Variants in DOCK3 observed in about 807,000 individuals in gnomAD.
DOCK3 encodes dedicator of cytokinesis 3.
DOCK3 carries 60 observed loss-of-function variants against 265.6 expected under a neutral mutation model. That is an observed-to-expected ratio of 0.23 (90% CI 0.18 to 0.28). The LOEUF (loss-of-function observed/expected upper bound fraction) is 0.28, where lower values mean the gene tolerates loss of function less well. Among genes scored for constraint, DOCK3 ranks in the 10% least tolerant of loss-of-function variants. The pLI, the probability that DOCK3 is intolerant of heterozygous loss-of-function variation, is 1.00. For synonymous variants in DOCK3, 881 were observed against 938.0 expected, an observed-to-expected ratio of 0.94 and a Z score of 1.11; for missense variants, 1,981 against 2,594.3, an observed-to-expected ratio of 0.76 and a Z score of 5.14.
intron 17 of DOCK3, 75 bp from the exon 18 acceptor site, chr3:51,228,586 C>A: frequency 1.3e-6 from 2 of 1,505,114 alleles, no homozygotes; most frequent in Non-Finnish European, 1.8e-6. Context: ...AAGTATCAGC[C>A]CAGAAATTCC....
chr3:51,340,450 A>G (rs1160276873), intron 37 of DOCK3, among the ~76,000 whole-genome samples: 2 of 152,182 alleles, frequency 1.3e-5, no homozygotes, highest in Admixed American at 1.3e-4. Flanking sequence ...AGGAGCCTAA[A>G]GAGTGGACAC....
At chr3:50,840,477 T>C (rs1255438290) in intron 2 of DOCK3, among the ~76,000 whole-genome samples, 1 of 152,220 alleles carries the variant, frequency 6.6e-6, no homozygotes, top group Non-Finnish European at 1.5e-5. Context: ...AACTTTTTTT[T>C]CCATTTTATT....
At chr3:50,896,534 T>G (rs2048899230) in intron 4 of DOCK3, among the ~76,000 whole-genome samples, 1 of 152,224 alleles carries the variant, frequency 6.6e-6, no homozygotes, top group African/African-American at 2.4e-5. Flanking sequence ...CCATTGCTTT[T>G]GGTGTTTTAG....
In DOCK3 at chr3:51,189,793, G is replaced by T. The variant is rs563394588; in HGVS notation, c.1038-18981G>T. Reference sequence around the variant, plus strand: ...TAAATACCCAGTTGTGGAATTTTTTGATGAAATGGTAGATCTACTTTTAGT... The same window carrying T: ...TAAATACCCAGTTGTGGAATTTTTTTATGAAATGGTAGATCTACTTTTAGT... On this transcript the variant is annotated intron_variant, in intron 12 of 52. Transcript: ENST00000266037. Among the ~76,000 whole-genome samples the T allele has an allele frequency of 3.9e-5, 6 of 152,196 alleles. No homozygotes were observed. The South Asian group carries it at 1.2e-3, about 32-fold the overall frequency.
At chr3:51,302,160 T>G (rs962567453) in intron 27 of DOCK3, among the ~76,000 whole-genome samples, 2 of 152,190 alleles carry the variant, frequency 1.3e-5, no homozygotes, top group Non-Finnish European at 2.9e-5. Context: ...CTTGTTGCAT[T>G]GATCCCTTTA....
intron 27 of DOCK3, among the ~76,000 whole-genome samples, chr3:51,293,350 A>G (rs1015958489): frequency 4.6e-5 from 7 of 152,218 alleles, no homozygotes; most frequent in African/African-American, 1.7e-4. Flanking sequence ...GATTTTTGAC[A>G]AAGATGCCAA....
chr3:50,937,505 A>T (rs1030805916), intron 5 of DOCK3, among the ~76,000 whole-genome samples: 1 of 151,952 alleles, frequency 6.6e-6, no homozygotes, highest in Non-Finnish European at 1.5e-5. Context: ...ATACAAAAAA[A>T]TTAGCCGGGC....
Position 51,381,772 on chromosome 3 carries a change from ATT to A in DOCK3, c.*219_*220del, listed in dbSNP as rs1230508824. 1.2e-5 allele frequency: 6 copies of A among 501,638 alleles called. No homozygotes were observed. The highest frequency in any genetic ancestry group is 2.0e-5 in the African/African-American group (1 of 50,774). The allele number at this position is 501,638 out of a possible 1,614,324, so 31.1% of individuals were successfully genotyped here. The stretch of plus-strand genomic sequence containing the variant: ...ATGAAGGGTTGTGGCTTCCCTTTTT[ATT>A]TTTTTACATTTCCATTTCTATGGGT... On this transcript the variant is annotated 3_prime_UTR_variant, in exon 53 of 53. Coordinates refer to ENST00000266037, the MANE Select transcript of DOCK3 (RefSeq NM_004947.5). This position sits in a 1 kb window ranked among gnomAD's most constrained non-coding sequence, Gnocchi z 5.6.
At chr3:50,772,788 A>C (rs1007332832) in intron 1 of DOCK3, among the ~76,000 whole-genome samples, 5 of 152,210 alleles carry the variant, frequency 3.3e-5, no homozygotes, top group Non-Finnish European at 7.4e-5. Context: ...AAAACTGAAG[A>C]GGACACACAT....
chr3:51,089,255 C>T lies in DOCK3; in HGVS notation c.562C>T (p.Arg188Trp), dbSNP rs553040677. ...CTTCTTTCCATAGCATTTATCTAGC[C>T]GGCAGAGTGTACAGCAAAGCACATC... ...SDLYKMHLSS[R>W]QSVQQSTSQV... The change falls in exon 8 of 53, where the codon CGG becomes TGG. Residue 188 changes from arginine (R) to tryptophan (W), a missense_variant. Coordinates refer to ENST00000266037, the MANE Select transcript of DOCK3 (RefSeq NM_004947.5). 27 of 1,609,160 alleles carry T rather than the reference C, an allele frequency of 1.7e-5. No homozygotes were observed. The highest frequency in any genetic ancestry group is 1.0e-4 in the Admixed American group (6 of 59,344).
chr3:51,031,313 AC>A (rs2080038744), intron 5 of DOCK3, among the ~76,000 whole-genome samples: 1 of 152,130 alleles, frequency 6.6e-6, no homozygotes, highest in African/African-American at 2.4e-5. Flanking sequence ...CATACTGATC[AC>A]TGCAGTTTTT....
chr3:51,224,868 A>C (rs2090257911), intron 14 of DOCK3, among the ~76,000 whole-genome samples: 2 of 152,076 alleles, frequency 1.3e-5, no homozygotes, highest in South Asian at 4.1e-4. Flanking sequence ...CCCTCAACTC[A>C]TCACCCTAAA....
At chr3:50,679,437 T>C (rs1248522672) in intron 1 of DOCK3, among the ~76,000 whole-genome samples, 1 of 152,226 alleles carries the variant, frequency 6.6e-6, no homozygotes, top group Non-Finnish European at 1.5e-5. Context: ...GCGTATTTTA[T>C]GCATTATTTT....
chr3:51,271,081 T>A, intron 24 of DOCK3, 74 bp downstream of exon 24: 1 of 1,467,002 alleles, frequency 6.8e-7, no homozygotes. Context: ...GATAGCAAAG[T>A]GATAATCAAA....
chr3:50,884,879 G>T (rs781691959), intron 3 of DOCK3, among the ~76,000 whole-genome samples: 4 of 151,918 alleles, frequency 2.6e-5, no homozygotes, highest in Admixed American at 6.6e-5. Flanking sequence ...GGATGAACCA[G>T]TATTGATACA....
intron 5 of DOCK3, among the ~76,000 whole-genome samples, chr3:50,948,158 G>T (rs1351249711): frequency 6.6e-6 from 1 of 150,536 alleles, no homozygotes; most frequent in South Asian, 2.1e-4. Flanking sequence ...CTGGGTTCAC[G>T]CTGTTCTCCT....
At chr3:51,127,402 T>G (rs550329222) in intron 9 of DOCK3, among the ~76,000 whole-genome samples, 6 of 152,180 alleles carry the variant, frequency 3.9e-5, no homozygotes, top group Non-Finnish European at 7.3e-5. Flanking sequence ...AGATCATACA[T>G]AATCTTTGAA....
intron 12 of DOCK3, among the ~76,000 whole-genome samples, chr3:51,187,644 C>T (rs995377668): frequency 4.6e-5 from 7 of 151,882 alleles, no homozygotes; most frequent in South Asian, 2.1e-4. Context: ...GGGAGGGACC[C>T]GGTGGGAGAT....
intron 9 of DOCK3, among the ~76,000 whole-genome samples, chr3:51,138,298 C>T (rs1172024560): frequency 6.6e-6 from 1 of 152,058 alleles, no homozygotes; most frequent in Non-Finnish European, 1.5e-5. Context: ...TTATCATACC[C>T]ATTGTAGAAG....
Sources: gnomAD v4.1 joint callset for allele counts (sites outside exome capture counted in the v4.1 genomes callset) on GRCh38, gnomAD v4.1.1 for gene constraint, Gnocchi (gnomAD v3.1) non-coding constraint, MANE v1.5 for transcripts, NCBI Gene and HGNC (gene_info 2026-07-23, HGNC 2026-07-21) for gene names.